CUL4A: variants seen among roughly 807,000 people sequenced by gnomAD.
The protein encoded by CUL4A is cullin 4A, also known as cullin-4A.
Under a neutral mutation model 95.5 loss-of-function variants are expected in CUL4A, and 16 were observed. That is an observed-to-expected ratio of 0.17 (90% CI 0.11 to 0.25). The LOEUF (loss-of-function observed/expected upper bound fraction) is 0.25, where lower values mean the gene tolerates loss of function less well. CUL4A is among the 10% of genes least tolerant of loss of function. The pLI is 1.00. For missense variants in CUL4A, 610 were observed against 937.0 expected (o/e 0.65, Z 4.56); for synonymous variants, 380 against 353.1 (o/e 1.08, Z -0.85).
intron 3 of CUL4A, chr13:113,219,955 A>G (rs2040837345): frequency 6.6e-6 from 1 of 152,220 alleles, no homozygotes; most frequent in Non-Finnish European, 1.5e-5. Flanking sequence ...GTAGCTGTCC[A>G]TGTGTCTCAT....
intron 15 of CUL4A, among the ~76,000 whole-genome samples, chr13:113,249,377 C>T (rs190428247): frequency 6.9e-4 from 105 of 152,074 alleles, no homozygotes; most frequent in African/African-American, 2.5e-3. Flanking sequence ...TTATTCCATC[C>T]ATGCTGTACC....
intron 2 of CUL4A, among the ~76,000 whole-genome samples, chr13:113,211,927 C>G (rs115076794): frequency 1.3e-5 from 2 of 151,914 alleles, no homozygotes; most frequent in Non-Finnish European, 2.9e-5. Flanking sequence ...CCAGCGTGTG[C>G]GTCTCTCCCA....
chr13:113,221,098 CCTGTGG>C (rs965172225), intron 3 of CUL4A, among the ~76,000 whole-genome samples: 21 of 152,244 alleles, frequency 1.4e-4, no homozygotes, highest in African/African-American at 5.1e-4. Flanking sequence ...GATGCGCCCT[CCTGTGG>C]CTGTGGCACC....
chr13:113,216,052 C>T (rs1395535397), intron 2 of CUL4A, among the ~76,000 whole-genome samples: 13 of 109,616 alleles, frequency 1.2e-4, no homozygotes, highest in Middle Eastern at 9.3e-3. Flanking sequence ...GTCTCGTCCA[C>T]GTGGCTGTGG....
Position 113,231,835 on chromosome 13 carries a change from G to C in CUL4A, c.513-1342G>C, listed in dbSNP as rs139482926. ...GTGTGCAGCACACGCGGGAGCAACAGGAGAGGCCCATGGTGATGTGGGCAG... is the reference window on the plus strand; with the variant it reads ...GTGTGCAGCACACGCGGGAGCAACACGAGAGGCCCATGGTGATGTGGGCAG... On this transcript the variant is annotated intron_variant, in intron 5 of 19. Coordinates refer to ENST00000375440, the MANE Select transcript of CUL4A (RefSeq NM_001008895.4). Among the ~76,000 whole-genome samples the C allele has an allele frequency of 1.6e-4, 25 of 152,276 alleles. No individual in the cohort carries two copies. The East Asian group carries it at 2.7e-3, about 16-fold the overall frequency.
chr13:113,212,487 A>G (rs1327598299), intron 2 of CUL4A, among the ~76,000 whole-genome samples: 1 of 152,228 alleles, frequency 6.6e-6, no homozygotes, highest in Non-Finnish European at 1.5e-5. Flanking sequence ...TGTGAAATAC[A>G]AATCTAGAGT....
intron 9 of CUL4A, 118 bp downstream of exon 9, chr13:113,237,008 C>A: frequency 4.6e-6 from 3 of 653,670 alleles, no homozygotes; most frequent in Non-Finnish European, 2.5e-6. Flanking sequence ...ATAAGACAGT[C>A]ATTAAAAATC....
In CUL4A at chr13:113,218,602, G is replaced by T. The variant is rs116184071; in HGVS notation, c.265-343G>T. 8.5e-3 allele frequency among the ~76,000 whole-genome samples: 1,298 copies of T among 152,326 alleles called. 22 individuals carry two copies. The highest frequency in any genetic ancestry group is 0.03 in the African/African-American group (1,251 of 41,562). Reference sequence around the variant, plus strand: ...AATCGGAGCACCCGGAAACAGGCCTGTGAGGATCAAACCTGTTGAGAAGTC... The same window carrying T: ...AATCGGAGCACCCGGAAACAGGCCTTTGAGGATCAAACCTGTTGAGAAGTC... On this transcript the variant is annotated intron_variant, in intron 2 of 19. Transcript: ENST00000375440.
chr13:113,223,948 C>T (rs184681170), intron 3 of CUL4A, among the ~76,000 whole-genome samples: 26 of 152,178 alleles, frequency 1.7e-4, no homozygotes, highest in Non-Finnish European at 3.1e-4. Flanking sequence ...CATTTGTACC[C>T]TTGCACTCAT....
intron 2 of CUL4A, 29 bp downstream of exon 2, chr13:113,210,117 C>G (rs763070371): frequency 2.2e-6 from 3 of 1,392,130 alleles, no homozygotes; most frequent in Middle Eastern, 2.1e-4. Flanking sequence ...CTGGGGACGC[C>G]GCTCCTGCCC....
intron 15 of CUL4A, among the ~76,000 whole-genome samples, chr13:113,251,534 G>A (rs976046614): frequency 6.6e-6 from 1 of 152,264 alleles, no homozygotes; most frequent in Admixed American, 6.5e-5. Context: ...CCACTGCTGG[G>A]GGAGGGCCCG....
Position 113,224,507 on chromosome 13 carries a change from G to A in CUL4A, c.369-3469G>A, listed in dbSNP as rs148532022. Among the ~76,000 whole-genome samples, 792 of 152,362 alleles carry A rather than the reference G, an allele frequency of 5.2e-3. 4 individuals carry two copies. The highest frequency in any genetic ancestry group is 0.024 in the Middle Eastern group (7 of 294). ...GGCAGTGGTGGACACCATGATAGCC[G>A]TGTGGTCAGAAGGGAAGGGCACGGG... On this transcript the variant is annotated intron_variant, in intron 3 of 19. Transcript: ENST00000375440.
chr13:113,217,376 T>A (rs570774240), intron 2 of CUL4A, among the ~76,000 whole-genome samples: 1 of 152,268 alleles, frequency 6.6e-6, no homozygotes, highest in African/African-American at 2.4e-5. Context: ...AGAATGTGGG[T>A]AGGAATTCCG....
At chr13:113,208,319 G>C (rs2040097153), upstream of CUL4A, 1 of 1,433,076 alleles carries the variant, frequency 7.0e-7, no homozygotes, top group Middle Eastern at 2.6e-4. Context: ...AGCAAGTGAG[G>C]GCAGCGACCT....
intron 4 of CUL4A, 60 bp downstream of exon 4, chr13:113,228,105 A>AT: frequency 8.0e-7 from 1 of 1,248,036 alleles, no homozygotes; most frequent in Non-Finnish European, 1.2e-6. Flanking sequence ...CACCCACATG[A>AT]TTGAGAGCTG....
intron 4 of CUL4A, among the ~76,000 whole-genome samples, chr13:113,228,308 C>G (rs2041181682): frequency 6.6e-6 from 1 of 152,210 alleles, no homozygotes; most frequent in Non-Finnish European, 1.5e-5. Flanking sequence ...CTCTAAATGT[C>G]TCTTTAAGCA....
intron 9 of CUL4A, among the ~76,000 whole-genome samples, chr13:113,237,980 T>A (rs1173117081): frequency 2.6e-5 from 4 of 152,216 alleles, no homozygotes; most frequent in African/African-American, 7.2e-5. Flanking sequence ...AACAGCCAGA[T>A]GTTGGTGCCT....
chr13:113,224,226 A>G (rs970329788), intron 3 of CUL4A, among the ~76,000 whole-genome samples: 7 of 152,002 alleles, frequency 4.6e-5, no homozygotes, highest in Non-Finnish European at 8.8e-5. Context: ...GGTGGCGGGC[A>G]CCTGTAGTCC....
upstream of CUL4A, chr13:113,208,828 G>T (rs1429584468): frequency 3.5e-6 from 5 of 1,409,260 alleles, no homozygotes; most frequent in Non-Finnish European, 3.7e-6. Context: ...TCTTTCTGCC[G>T]GGGCCCCGTC....
Sources: gnomAD v4.1 joint callset for allele counts (sites outside exome capture counted in the v4.1 genomes callset) on GRCh38, gnomAD v4.1.1 for gene constraint, MANE v1.5 for transcripts, NCBI Gene and HGNC (gene_info 2026-07-23, HGNC 2026-07-21) for gene names.